NTM: variants seen among roughly 807,000 people sequenced by gnomAD.
The protein encoded by NTM is neurotrimin.
Under a neutral mutation model 42.1 loss-of-function variants are expected in NTM, and 13 were observed. That is an observed-to-expected ratio of 0.31 (90% confidence interval 0.20 to 0.49). The LOEUF (loss-of-function observed/expected upper bound fraction) is 0.49. Among genes scored for constraint, NTM ranks in the 20% least tolerant of loss-of-function variants. The probability of loss-of-function intolerance (pLI) is 0.99; values close to 1 mark genes in which losing one functional copy is unlikely to be tolerated. For synonymous variants in NTM, 187 were observed against 179.2 expected, an observed-to-expected ratio of 1.04 and a Z score of -0.35; for missense variants, 373 against 452.8, an observed-to-expected ratio of 0.82 and a Z score of 1.60.
chr11:132,254,142 C>T (rs780866381), intron 4 of NTM, among the ~76,000 whole-genome samples: 103 of 152,212 alleles, frequency 6.8e-4, no homozygotes, highest in Non-Finnish European at 1.2e-3. Flanking sequence ...CAAGTAAAGC[C>T]GGCAGCCAGG....
intron 3 of NTM, among the ~76,000 whole-genome samples, chr11:132,187,880 G>C (rs940945517): frequency 1.3e-5 from 2 of 152,202 alleles, no homozygotes; most frequent in African/African-American, 4.8e-5. Flanking sequence ...TAAAAAGAGA[G>C]TGATACGTAG....
In NTM at chr11:131,860,458, C is replaced by T. The variant is rs560900536; in HGVS notation, c.83-51106C>T. Among the ~76,000 whole-genome samples, 267 of 152,286 alleles carry T rather than the reference C, an allele frequency of 1.8e-3. 2 individuals are homozygous for T. Among genetic ancestry groups the T allele is most frequent in the Middle Eastern group, 6.8e-3 (2 of 294 alleles). On this transcript the variant is annotated intron_variant, in intron 1 of 8. Transcript: ENST00000683400. ...CAGCAAAACATGTGGGATGTTTCTG[C>T]CCAGGGAAGCCCAGTAGAGACTCAG...
chr11:132,078,187 A>G (rs1004759733), intron 2 of NTM, among the ~76,000 whole-genome samples: 6 of 152,220 alleles, frequency 3.9e-5, no homozygotes, highest in African/African-American at 1.2e-4. Flanking sequence ...AAGTCAGTTT[A>G]ATCTCTGTTT....
At chr11:131,905,382 A>G (rs2053718793) in intron 1 of NTM, among the ~76,000 whole-genome samples, 2 of 152,170 alleles carry the variant, frequency 1.3e-5, no homozygotes, top group South Asian at 4.2e-4. Context: ...GACACAGAGC[A>G]CTCCCGAGGT....
chr11:132,044,205 G>T (rs1273863851), intron 2 of NTM, among the ~76,000 whole-genome samples: 3 of 151,616 alleles, frequency 2.0e-5, no homozygotes, highest in African/African-American at 7.3e-5. Flanking sequence ...CATTTAAATG[G>T]GTCTTATGCA....
chr11:132,057,756 C>T lies in NTM; in HGVS notation c.168-88526C>T, dbSNP rs1232509152. Among the ~76,000 whole-genome samples, 9 of 152,296 alleles carry T rather than the reference C, an allele frequency of 5.9e-5. 1 individual carries two copies. The highest frequency in any genetic ancestry group is 1.4e-4 in the African/African-American group (6 of 41,548). ...TGGATTTTGAAGTGGGCCTAGACTC[C>T]GCGTGTTTTTTTCTCAACATCTTTC... is the stretch of plus-strand genomic sequence containing the variant. On this transcript the variant is annotated intron_variant, in intron 2 of 8. Transcript: ENST00000683400.
chr11:132,188,777 AT>A (rs1333010224), intron 3 of NTM, among the ~76,000 whole-genome samples: 1 of 152,194 alleles, frequency 6.6e-6, no homozygotes, highest in Non-Finnish European at 1.5e-5. Flanking sequence ...CCTGTGTCTG[AT>A]TTAAAATAAA....
intron 1 of NTM, among the ~76,000 whole-genome samples, chr11:131,511,573 C>T (rs752122421): frequency 6.6e-6 from 1 of 152,188 alleles, no homozygotes; most frequent in Non-Finnish European, 1.5e-5. Context: ...TTGCACTTGA[C>T]AAACAAAACA....
chr11:132,163,098 C>T (rs1293518766), intron 3 of NTM, among the ~76,000 whole-genome samples: 3 of 152,194 alleles, frequency 2.0e-5, no homozygotes, highest in Admixed American at 6.5e-5. Flanking sequence ...GAAGGAGCGT[C>T]TGCAGAGAGG....
intron 4 of NTM, among the ~76,000 whole-genome samples, chr11:132,261,025 T>C (rs544193151): frequency 1.3e-5 from 2 of 152,326 alleles, no homozygotes; most frequent in Admixed American, 6.5e-5. Context: ...TTGGGCACTG[T>C]TGCTGGTTCT....
chr11:131,975,169 C>A (rs1454385770), intron 2 of NTM, among the ~76,000 whole-genome samples: 2 of 150,344 alleles, frequency 1.3e-5, no homozygotes, highest in Non-Finnish European at 2.9e-5. Context: ...ACAAGTGGGA[C>A]CAAAATAAGA....
intron 2 of NTM, among the ~76,000 whole-genome samples, chr11:132,091,010 C>CA (rs2060312919): frequency 6.6e-6 from 1 of 152,138 alleles, no homozygotes; most frequent in Admixed American, 6.5e-5. Context: ...CCATTCCACA[C>CA]AAGCCTTTAC....
chr11:131,787,361 A>ATTATTATTATTAT (rs1244043533), intron 1 of NTM, among the ~76,000 whole-genome samples: 2 of 147,250 alleles, frequency 1.4e-5, no homozygotes, highest in African/African-American at 4.9e-5. Context: ...CAAGATTATT[A>ATTATTATTATTAT]TTATTATTAT....
intron 1 of NTM, among the ~76,000 whole-genome samples, chr11:131,638,241 T>TA (rs1302375363): frequency 6.6e-6 from 1 of 152,112 alleles, no homozygotes; most frequent in Admixed American, 6.5e-5. Flanking sequence ...AATTTAAGTT[T>TA]AAAAAACTTT....
intron 2 of NTM, among the ~76,000 whole-genome samples, chr11:131,934,348 C>T (rs1336790319): frequency 6.6e-6 from 1 of 152,162 alleles, no homozygotes. Flanking sequence ...GAGAAGTTTA[C>T]TTAGCTTCAG....
chr11:132,102,241 C>T (rs1204881696), intron 2 of NTM, among the ~76,000 whole-genome samples: 2 of 152,170 alleles, frequency 1.3e-5, no homozygotes, highest in East Asian at 3.8e-4. Context: ...AGAATATATA[C>T]ATATACTTTT....
At chr11:132,226,343 CTA>C (rs1248123858) in intron 4 of NTM, among the ~76,000 whole-genome samples, 6 of 152,144 alleles carry the variant, frequency 3.9e-5, no homozygotes, top group Admixed American at 1.3e-4. Flanking sequence ...GTAAATGTTC[CTA>C]TTTCTCCACA....
chr11:132,175,266 G>A (rs764361161), intron 3 of NTM, among the ~76,000 whole-genome samples: 11 of 152,054 alleles, frequency 7.2e-5, no homozygotes, highest in South Asian at 2.1e-4. Context: ...TGCAGTGGTC[G>A]TCCCATCCTT....
chr11:131,506,879 A>G (rs2047554758), intron 1 of NTM, among the ~76,000 whole-genome samples: 1 of 152,190 alleles, frequency 6.6e-6, no homozygotes, highest in African/African-American at 2.4e-5. Context: ...AGAAAAACTC[A>G]CGGTAGATAT....
Sources: allele counts gnomAD v4.1 joint callset (sites outside exome capture counted in the v4.1 genomes callset), GRCh38; gene constraint gnomAD v4.1.1; transcripts MANE v1.5; gene names NCBI Gene and HGNC (gene_info 2026-07-23, HGNC 2026-07-21).